Variants in ADAMTS3 observed in about 807,000 individuals in gnomAD.
The protein encoded by ADAMTS3 is ADAM metallopeptidase with thrombospondin type 1 motif 3.
Under a neutral mutation model 129.0 loss-of-function variants are expected in ADAMTS3, and 73 were observed. The observed-to-expected ratio is 0.57, with a 90% CI of 0.47 to 0.69. The LOEUF (loss-of-function observed/expected upper bound fraction) is 0.69, where lower values mean the gene tolerates loss of function less well. ADAMTS3 is among the 30% of genes least tolerant of loss of function. The pLI is 0.00. For synonymous variants in ADAMTS3, 477 were observed against 510.8 expected, an observed-to-expected ratio of 0.93 and a Z score of 0.89; for missense variants, 1,457 against 1,514.5, an observed-to-expected ratio of 0.96 and a Z score of 0.63.
intron 3 of ADAMTS3, among the ~76,000 whole-genome samples, chr4:72,480,498 G>A (rs1409810389): frequency 6.6e-6 from 1 of 151,436 alleles, no homozygotes; most frequent in Non-Finnish European, 1.5e-5. Context: ...TGAACAATGA[G>A]AACACATGGA....
chr4:72,520,780 C>T (rs1179408488), intron 3 of ADAMTS3, among the ~76,000 whole-genome samples: 1 of 152,126 alleles, frequency 6.6e-6, no homozygotes, highest in Non-Finnish European at 1.5e-5. Context: ...AACTCCCTGA[C>T]CCCTTGTGCT....
intron 5 of ADAMTS3, among the ~76,000 whole-genome samples, chr4:72,327,797 A>G (rs528587249): frequency 6.6e-6 from 1 of 152,350 alleles, no homozygotes; most frequent in East Asian, 1.9e-4. Context: ...ACATATTGAG[A>G]AAGAAAATGT....
intron 3 of ADAMTS3, among the ~76,000 whole-genome samples, chr4:72,508,108 TAAAC>T (rs1720210913): frequency 6.6e-6 from 1 of 152,114 alleles, no homozygotes; most frequent in African/African-American, 2.4e-5. Context: ...TGAAGGGCAA[TAAAC>T]AAACACATGC....
intron 3 of ADAMTS3, among the ~76,000 whole-genome samples, chr4:72,530,481 T>G (rs1720987100): frequency 2.2e-5 from 2 of 89,632 alleles, no homozygotes; most frequent in African/African-American, 9.3e-5. Flanking sequence ...ATTTAATATA[T>G]AAATATATAT....
At chr4:72,518,913 A>G (rs1270230982) in intron 3 of ADAMTS3, among the ~76,000 whole-genome samples, 3 of 152,040 alleles carry the variant, frequency 2.0e-5, no homozygotes, top group Non-Finnish European at 4.4e-5. Flanking sequence ...TCATTAGTTG[A>G]CGCAGTTTCT....
At chr4:72,559,344 G>A (rs6446838) in intron 2 of ADAMTS3, among the ~76,000 whole-genome samples, 141,691 of 151,764 alleles carry the variant, frequency 0.93, 67,215 homozygotes, top group East Asian at 1. Context: ...ATAAAATATA[G>A]TTGGCATGGA....
intron 10 of ADAMTS3, among the ~76,000 whole-genome samples, chr4:72,317,694 TA>T (rs1719435309): frequency 6.6e-6 from 1 of 152,096 alleles, no homozygotes; most frequent in African/African-American, 2.4e-5. Context: ...CATGAGAAAG[TA>T]GTCCAGAGAG....
chr4:72,516,596 G>C (rs200882904), intron 3 of ADAMTS3, among the ~76,000 whole-genome samples: 14 of 151,988 alleles, frequency 9.2e-5, no homozygotes, highest in African/African-American at 2.9e-4. Flanking sequence ...CTCTTTGAAG[G>C]AATTTTGAAT....
intron 4 of ADAMTS3, among the ~76,000 whole-genome samples, chr4:72,358,856 A>G (rs770042153): frequency 4.6e-5 from 7 of 152,028 alleles, no homozygotes; most frequent in Non-Finnish European, 7.4e-5. Flanking sequence ...ACTCAGGGTC[A>G]GCTGAATTCA....
At chr4:72,474,996 C>T (rs1447377899) in intron 3 of ADAMTS3, among the ~76,000 whole-genome samples, 6 of 149,574 alleles carry the variant, frequency 4.0e-5, no homozygotes, top group Non-Finnish European at 8.9e-5. Context: ...CACTGCACTC[C>T]AGCCTGGGCG....
intron 3 of ADAMTS3, among the ~76,000 whole-genome samples, chr4:72,473,916 G>A (rs1160040873): frequency 1.4e-4 from 21 of 152,320 alleles, no homozygotes; most frequent in Non-Finnish European, 2.9e-5. Flanking sequence ...TCCTCAACAT[G>A]ATGTCAGTGA....
intron 3 of ADAMTS3, among the ~76,000 whole-genome samples, chr4:72,498,621 C>CCT (rs753056611): frequency 1.3e-5 from 2 of 149,434 alleles, no homozygotes; most frequent in South Asian, 2.1e-4. Flanking sequence ...TTCAATATTC[C>CCT]CTCTCTCTCT....
chr4:72,375,306 T>A (rs925628559), intron 4 of ADAMTS3, among the ~76,000 whole-genome samples: 1 of 152,142 alleles, frequency 6.6e-6, no homozygotes, highest in Non-Finnish European at 1.5e-5. Flanking sequence ...GCCAAAGCAT[T>A]TCTGGGAGTT....
At chr4:72,309,559 T>G in intron 14 of ADAMTS3, 39 bp from the exon 15 acceptor site, 5 of 1,603,958 alleles carry the variant, frequency 3.1e-6, no homozygotes, top group Non-Finnish European at 4.3e-6. Flanking sequence ...AATTTTAGTG[T>G]GCCCAGTAGT....
At chr4:72,438,070 T>C (rs1718012116) in intron 3 of ADAMTS3, among the ~76,000 whole-genome samples, 1 of 151,682 alleles carries the variant, frequency 6.6e-6, no homozygotes, top group South Asian at 2.1e-4. Flanking sequence ...TAAGCCAGAG[T>C]AAACTGACTT....
chr4:72,467,173 TC>T (rs766823596), intron 3 of ADAMTS3, among the ~76,000 whole-genome samples: 52 of 152,090 alleles, frequency 3.4e-4, no homozygotes, highest in Admixed American at 7.9e-4. Context: ...CACCTTTGTC[TC>T]CTCTAGCTTT....
At chr4:72,391,510 C>A (rs543677495) in intron 4 of ADAMTS3, among the ~76,000 whole-genome samples, 1 of 152,204 alleles carries the variant, frequency 6.6e-6, no homozygotes, top group East Asian at 1.9e-4. Flanking sequence ...TGAGTCAGGA[C>A]AAGAAGGGCT....
chr4:72,535,272 C>T (rs1387795745), intron 3 of ADAMTS3, among the ~76,000 whole-genome samples: 6 of 152,334 alleles, frequency 3.9e-5, no homozygotes, highest in Admixed American at 3.9e-4. Flanking sequence ...TTAAAGGCAT[C>T]CTGTTTCACT....
chr4:72,376,281 G>C (rs1315624878), intron 4 of ADAMTS3, among the ~76,000 whole-genome samples: 1 of 152,146 alleles, frequency 6.6e-6, no homozygotes, highest in African/African-American at 2.4e-5. Flanking sequence ...TCTGGTGATG[G>C]CCCATTCCTC....
Sources: gnomAD v4.1 joint callset for allele counts (sites outside exome capture counted in the v4.1 genomes callset) on GRCh38, gnomAD v4.1.1 for gene constraint, MANE v1.5 for transcripts, NCBI Gene and HGNC (gene_info 2026-07-23, HGNC 2026-07-21) for gene names.